PKN2: variants seen among roughly 807,000 people sequenced by gnomAD.
The protein encoded by PKN2 is protein kinase N2.
A neutral mutation model predicts 119.1 loss-of-function variants in PKN2; 38 were observed. The observed-to-expected ratio is 0.32, with a 90% CI of 0.25 to 0.42. The LOEUF is 0.42. Ranked by LOEUF, PKN2 falls within the 10% of genes least tolerant of loss-of-function variation. The pLI is 1.00. For synonymous variants in PKN2, 390 were observed against 384.9 expected, an observed-to-expected ratio of 1.01 and a Z score of -0.15; for missense variants, 850 against 1,165.1, an observed-to-expected ratio of 0.73 and a Z score of 3.94.
chr1:88,690,064 T>C (rs1666267104), intron 1 of PKN2, among the ~76,000 whole-genome samples: 2 of 152,248 alleles, frequency 1.3e-5, no homozygotes, highest in Non-Finnish European at 2.9e-5. Flanking sequence ...ATGATGGCTC[T>C]AAAATGGATT....
At chr1:88,781,515 C>CA (rs1451907903) in intron 6 of PKN2, among the ~76,000 whole-genome samples, 2 of 152,044 alleles carry the variant, frequency 1.3e-5, no homozygotes, top group African/African-American at 4.8e-5. Flanking sequence ...TGAATACCAA[C>CA]ATTTACTTCT....
chr1:88,782,397 A>G (rs781718273), intron 6 of PKN2, among the ~76,000 whole-genome samples: 8 of 150,704 alleles, frequency 5.3e-5, no homozygotes, highest in Non-Finnish European at 8.9e-5. Context: ...TTTTTCTAAT[A>G]CATTTTGTGT....
At chr1:88,779,013 G>A (rs941369298) in intron 6 of PKN2, among the ~76,000 whole-genome samples, 5 of 152,172 alleles carry the variant, frequency 3.3e-5, no homozygotes, top group Admixed American at 6.5e-5. Flanking sequence ...ATGAGCCGCC[G>A]CGCCCAGCCA....
intron 1 of PKN2, among the ~76,000 whole-genome samples, chr1:88,726,659 A>G (rs1217612206): frequency 6.6e-6 from 1 of 152,108 alleles, no homozygotes; most frequent in East Asian, 1.9e-4. Flanking sequence ...GGTAACACCA[A>G]CCTCATAAGA....
At chr1:88,764,832 GT>G (rs1669593721) in intron 3 of PKN2, among the ~76,000 whole-genome samples, 1 of 152,084 alleles carries the variant, frequency 6.6e-6, no homozygotes, top group Non-Finnish European at 1.5e-5. Flanking sequence ...GGTTGTGTTT[GT>G]TTTTGTTTTG....
chr1:88,704,778 CAAAA>C (rs35670791), intron 1 of PKN2, among the ~76,000 whole-genome samples: 2 of 75,948 alleles, frequency 2.6e-5, no homozygotes, highest in Non-Finnish European at 5.2e-5. Flanking sequence ...GACCCTGTCT[CAAAA>C]AAAAAAAAAA....
chr1:88,724,882 G>GTTT (rs60507382), intron 1 of PKN2, among the ~76,000 whole-genome samples: 18 of 105,982 alleles, frequency 1.7e-4, no homozygotes, highest in Non-Finnish European at 2.9e-4. Flanking sequence ...CCACCCCTTG[G>GTTT]TTTTTTTTTT....
At chr1:88,814,493 C>T (rs916035818) in intron 16 of PKN2, among the ~76,000 whole-genome samples, 3 of 152,220 alleles carry the variant, frequency 2.0e-5, no homozygotes, top group Non-Finnish European at 4.4e-5. Flanking sequence ...TTTCCAGCCC[C>T]GTCCTCTTAC....
intron 1 of PKN2, among the ~76,000 whole-genome samples, chr1:88,736,061 T>C (rs1668335306): frequency 6.6e-6 from 1 of 152,216 alleles, no homozygotes; most frequent in Admixed American, 6.5e-5. Flanking sequence ...CTATGTGTTT[T>C]CAAATAGCTT....
intron 16 of PKN2, among the ~76,000 whole-genome samples, chr1:88,817,717 AAAAAAG>A (rs571460058): frequency 0.023 from 3,453 of 151,970 alleles, 48 homozygotes; most frequent in Admixed American, 0.037. Flanking sequence ...TCAAAAAAAA[AAAAAAG>A]AAAAGAAAAG....
chr1:88,816,587 T>G (rs988951405), intron 16 of PKN2, among the ~76,000 whole-genome samples: 2 of 152,228 alleles, frequency 1.3e-5, no homozygotes, highest in Non-Finnish European at 2.9e-5. Context: ...TTAATAAACT[T>G]CAGTAGATCC....
intron 1 of PKN2, among the ~76,000 whole-genome samples, chr1:88,740,112 G>A (rs776867911): frequency 6.6e-6 from 1 of 152,106 alleles, no homozygotes; most frequent in Non-Finnish European, 1.5e-5. Context: ...TATGGGGTGT[G>A]TATTTAGATT....
At chr1:88,755,595 G>A (rs1012708305) in intron 2 of PKN2, among the ~76,000 whole-genome samples, 1 of 152,126 alleles carries the variant, frequency 6.6e-6, no homozygotes, top group Non-Finnish European at 1.5e-5. Flanking sequence ...GCCCTGACTT[G>A]TAATATTATT....
chr1:88,810,613 T>A (rs1354112999), intron 15 of PKN2, among the ~76,000 whole-genome samples: 1 of 151,864 alleles, frequency 6.6e-6, no homozygotes, highest in Non-Finnish European at 1.5e-5. Context: ...ATACTTTATC[T>A]ATATATTTTT....
At chr1:88,716,986 C>T (rs1019698027) in intron 1 of PKN2, among the ~76,000 whole-genome samples, 14 of 152,224 alleles carry the variant, frequency 9.2e-5, no homozygotes, top group Non-Finnish European at 1.8e-4. Context: ...GTTAGGCAGG[C>T]CTGGTGGTGA....
intron 1 of PKN2, among the ~76,000 whole-genome samples, chr1:88,730,065 T>C (rs1668079379): frequency 6.6e-6 from 1 of 151,540 alleles, no homozygotes; most frequent in African/African-American, 2.4e-5. Flanking sequence ...CTCCGGAGGC[T>C]GAGGCAGGAG....
chr1:88,806,816 T>G (rs1326446891), intron 12 of PKN2, among the ~76,000 whole-genome samples: 1 of 152,082 alleles, frequency 6.6e-6, no homozygotes, highest in Non-Finnish European at 1.5e-5. Context: ...GCCTCCTGGG[T>G]TCAAGTGATT....
intron 8 of PKN2, among the ~76,000 whole-genome samples, chr1:88,802,618 G>T (rs1410049895): frequency 2.0e-5 from 3 of 152,272 alleles, no homozygotes; most frequent in East Asian, 3.9e-4. Context: ...GAGCCACCTT[G>T]CCCAGCCTAT....
chr1:88,782,129 ATATGT>A (rs1187526282), intron 6 of PKN2, among the ~76,000 whole-genome samples: 2 of 152,128 alleles, frequency 1.3e-5, no homozygotes, highest in African/African-American at 4.8e-5. Context: ...AAAACTATAC[ATATGT>A]TAAGTGTATG....
Sources: gnomAD v4.1 joint callset for allele counts (sites outside exome capture counted in the v4.1 genomes callset) on GRCh38, gnomAD v4.1.1 for gene constraint, MANE v1.5 for transcripts, NCBI Gene and HGNC (gene_info 2026-07-23, HGNC 2026-07-21) for gene names.